The following GRIA4 variants were observed in gnomAD, a reference collection of about 807,000 sequenced individuals.
The protein encoded by GRIA4 is glutamate receptor 4.
In GRIA4, 34 loss-of-function variants were observed where a neutral mutation model predicts 104.0. That is an observed-to-expected ratio of 0.33 (90% confidence interval 0.25 to 0.44). GRIA4 has a LOEUF of 0.44. Among genes scored for constraint, GRIA4 ranks in the 20% least tolerant of loss-of-function variants. The probability of loss-of-function intolerance (pLI) is 1.00; values close to 1 mark genes in which losing one functional copy is unlikely to be tolerated. For missense variants in GRIA4, 750 were observed against 1,096.5 expected (o/e 0.68, Z 4.46); for synonymous variants, 386 against 381.9 (o/e 1.01, Z -0.13).
intron 3 of GRIA4, among the ~76,000 whole-genome samples, chr11:105,729,432 G>A (rs1320161161): frequency 2.0e-5 from 3 of 152,110 alleles, no homozygotes; most frequent in South Asian, 2.1e-4. Context: ...GGTACAAAGG[G>A]GAGCTGGTGC....
At chr11:105,875,583 A>G (rs1945788414) in intron 5 of GRIA4, among the ~76,000 whole-genome samples, 1 of 152,220 alleles carries the variant, frequency 6.6e-6, no homozygotes, top group Non-Finnish European at 1.5e-5. Context: ...TACTGCCTCA[A>G]TTTCAGAACT....
At chr11:105,741,250 G>T (rs1214435939) in intron 3 of GRIA4, among the ~76,000 whole-genome samples, 1 of 152,078 alleles carries the variant, frequency 6.6e-6, no homozygotes, top group African/African-American at 2.4e-5. Flanking sequence ...AAGGTTTTGA[G>T]GGGGGGAAAT....
At chr11:105,918,436 C>A (rs1382484265) in intron 10 of GRIA4, among the ~76,000 whole-genome samples, 1 of 152,078 alleles carries the variant, frequency 6.6e-6, no homozygotes, top group African/African-American at 2.4e-5. Flanking sequence ...TATTAACTGG[C>A]ACTTCTCCCA....
intron 4 of GRIA4, among the ~76,000 whole-genome samples, chr11:105,805,523 C>G (rs1327931096): frequency 7.3e-6 from 1 of 137,524 alleles, no homozygotes; most frequent in Non-Finnish European, 1.5e-5. Flanking sequence ...AAACCCATAT[C>G]AGAAGCCAAA....
intron 3 of GRIA4, among the ~76,000 whole-genome samples, chr11:105,736,519 T>A (rs913193656): frequency 3.3e-5 from 5 of 152,094 alleles, no homozygotes; most frequent in Admixed American, 3.3e-4. Flanking sequence ...TTTAGAAAAA[T>A]TTTAGAATCT....
At chr11:105,896,153 G>T (rs1257194141) in intron 6 of GRIA4, among the ~76,000 whole-genome samples, 1 of 152,026 alleles carries the variant, frequency 6.6e-6, no homozygotes. Flanking sequence ...TCTCATTGTG[G>T]TTTTCATTTT....
chr11:105,718,103 A>G (rs1305019546), intron 3 of GRIA4, among the ~76,000 whole-genome samples: 1 of 152,106 alleles, frequency 6.6e-6, no homozygotes, highest in African/African-American at 2.4e-5. Flanking sequence ...ATTAAAACCA[A>G]AATTATTTAC....
At chr11:105,676,542 C>A (rs1265750113) in intron 3 of GRIA4, among the ~76,000 whole-genome samples, 6 of 151,646 alleles carry the variant, frequency 4.0e-5, no homozygotes, top group Non-Finnish European at 8.9e-5. Context: ...ATCACTATAT[C>A]TATAAGGTAT....
intron 14 of GRIA4, among the ~76,000 whole-genome samples, chr11:105,971,167 C>A (rs1233358291): frequency 6.6e-6 from 1 of 151,908 alleles, no homozygotes; most frequent in Non-Finnish European, 1.5e-5. Flanking sequence ...CATTAATATG[C>A]TTTAAGATTC....
chr11:105,797,079 CATGCTTATAGT>C (rs1942507850), intron 4 of GRIA4, among the ~76,000 whole-genome samples: 3 of 151,904 alleles, frequency 2.0e-5, no homozygotes, highest in African/African-American at 7.3e-5. Context: ...CATGGTGGTG[CATGCTTATAGT>C]CCCAGCTACT....
chr11:105,647,548 C>T (rs1306968572), intron 3 of GRIA4, among the ~76,000 whole-genome samples: 1 of 152,070 alleles, frequency 6.6e-6, no homozygotes, highest in Non-Finnish European at 1.5e-5. Flanking sequence ...AACCTAAATG[C>T]CCATCAGTGA....
chr11:105,964,151 C>A (rs1948804548), intron 14 of GRIA4, among the ~76,000 whole-genome samples: 1 of 152,130 alleles, frequency 6.6e-6, no homozygotes, highest in African/African-American at 2.4e-5. Flanking sequence ...ACATTTCAAT[C>A]TGGTCCTTTG....
chr11:105,623,435 C>T lies in GRIA4; in HGVS notation c.247+11001C>T, dbSNP rs575595066. 6.6e-5 allele frequency among the ~76,000 whole-genome samples: 10 copies of T among 151,956 alleles called. No individual in the cohort carries two copies. In the East Asian group the frequency reaches 1.7e-3, roughly 26 times the overall value. On this transcript the variant is annotated intron_variant, in intron 3 of 16. Transcript: ENST00000282499. ...AAATCAGAGACTGTTTCTTTTGTAC[C>T]TAGAACCCTCCAATGACTTTTCATT...
intron 4 of GRIA4, among the ~76,000 whole-genome samples, chr11:105,768,902 G>T (rs1177864063): frequency 6.6e-6 from 1 of 151,996 alleles, no homozygotes; most frequent in Non-Finnish European, 1.5e-5. Context: ...TTGAGACTAT[G>T]GTTCTAAGTA....
chr11:105,654,496 T>C (rs549537365), intron 3 of GRIA4, among the ~76,000 whole-genome samples: 1 of 152,258 alleles, frequency 6.6e-6, no homozygotes, highest in East Asian at 1.9e-4. Flanking sequence ...TGTATATTAA[T>C]ATACTGTTAA....
chr11:105,789,380 C>A (rs1456100543), intron 4 of GRIA4, among the ~76,000 whole-genome samples: 1 of 152,138 alleles, frequency 6.6e-6, no homozygotes, highest in Admixed American at 6.5e-5. Context: ...CAAGATGATT[C>A]AAGCCCCCAT....
intron 4 of GRIA4, among the ~76,000 whole-genome samples, chr11:105,857,251 T>C (rs1275019321): frequency 3.3e-5 from 5 of 152,148 alleles, no homozygotes; most frequent in Admixed American, 1.3e-4. Flanking sequence ...ATCTTATTCC[T>C]TTCTTGACTC....
rs563570166 is a variant in GRIA4, at chr11:105,776,843, C to T, written c.487+23623C>T. ...TCACAAACAGAGGTAACATCAAGCA[C>T]CACCAGTTTAAAACAAAAATTCCTG... On this transcript the variant is annotated intron_variant, in intron 4 of 16. Coordinates refer to ENST00000282499, the MANE Select transcript of GRIA4 (RefSeq NM_000829.4). Among the ~76,000 whole-genome samples, 11 of 152,272 alleles carry T rather than the reference C, an allele frequency of 7.2e-5. No individual in the cohort carries two copies. The East Asian group carries it at 1.9e-3, about 27-fold the overall frequency.
intron 4 of GRIA4, 39 bp downstream of exon 4, chr11:105,753,259 A>T: frequency 6.3e-7 from 1 of 1,599,368 alleles, no homozygotes; most frequent in Non-Finnish European, 8.6e-7. Context: ...CAAAACTCTA[A>T]TTTTCAATGT....
Sources: gnomAD v4.1 joint callset for allele counts (sites outside exome capture counted in the v4.1 genomes callset) on GRCh38, gnomAD v4.1.1 for gene constraint, MANE v1.5 for transcripts, NCBI Gene and HGNC (gene_info 2026-07-23, HGNC 2026-07-21) for gene names.